OR1N2: variants seen among roughly 807,000 people sequenced by gnomAD.
The protein encoded by OR1N2 is olfactory receptor 1N2.
For missense variants in OR1N2, 358 were observed against 380.2 expected (o/e 0.94, Z 0.49); for synonymous variants, 152 against 149.3 (o/e 1.02, Z -0.13).
In OR1N2 at chr9:122,553,349, G is replaced by T. The variant is rs1829217296; in HGVS notation, c.138G>T (p.Leu46=). 1 of 1,613,916 alleles carries T rather than the reference G, an allele frequency of 6.2e-7. No homozygotes were observed. Among genetic ancestry groups the T allele is most frequent in the African/African-American group, 1.3e-5 (1 of 74,956 alleles). The part of the protein sequence containing the change: ...GMYLVTMVGN[L]LIILAISSDP... ...ACCTGGTCACCATGGTGGGGAACCT[G>T]CTCATTATCCTGGCCATCAGCTCTG... Residue 46 remains leucine, a synonymous_variant, in exon 1 of 1, where the codon CTG becomes CTT. Transcript: ENST00000373688.
At position 122,554,059 on chromosome 9, in the gene OR1N2, T is replaced by C. The variant is rs1829236925; in HGVS notation, c.848T>C (p.Val283Ala). 2 of 1,613,286 alleles carry C rather than the reference T, an allele frequency of 1.2e-6. No individual in the cohort carries two copies. The highest frequency in any genetic ancestry group is 2.7e-5 in the African/African-American group (2 of 74,880). Residue 283 changes from valine (V) to alanine (A), a missense_variant, in exon 1 of 1, where the codon GTG (valine) becomes GCG (alanine). Transcript: ENST00000373688. ...RESRAAVLYMVIIPTLNPFIY... is the reference protein window; with the variant it reads ...RESRAAVLYMAIIPTLNPFIY... The stretch of plus-strand genomic sequence containing the variant: ...AGTAGGGCTGCTGTTCTCTATATGG[T>C]GATTATTCCCACGCTAAACCCATTC...
rs771842628 is a variant in OR1N2, at chr9:122,553,907, A to G, written c.696A>G (p.Ser232=). Residue 232 remains serine (S), a synonymous_variant, in exon 1 of 1, where the codon TCA becomes TCG. Transcript: ENST00000373688. The part of the protein sequence containing the change: ...VRIFWAVFVI[S]SPGGRWKAFS... Reference sequence around the variant, plus strand: ...TTTTCTGGGCTGTGTTTGTCATCTCATCTCCTGGAGGGAGATGGAAGGCCT... The same window carrying G: ...TTTTCTGGGCTGTGTTTGTCATCTCGTCTCCTGGAGGGAGATGGAAGGCCT... The G allele has an allele frequency of 3.1e-6, 5 of 1,613,364 alleles. No individual in the cohort carries two copies. Among genetic ancestry groups the G allele is most frequent in the Non-Finnish European group, 3.4e-6 (4 of 1,179,780 alleles).
chr9:122,553,208 A>C lies in OR1N2; in HGVS notation c.-4A>C. The C allele has an allele frequency of 6.2e-7, 1 of 1,613,370 alleles. No homozygotes were observed. The stretch of plus-strand genomic sequence containing the variant: ...ATCTGCGCAGATCACACGAACTACA[A>C]GGGATGGGAAAACCAGGCAGAGTGA... On this transcript the variant is annotated 5_prime_UTR_variant, in exon 1 of 1. Coordinates refer to ENST00000373688, the MANE Select transcript of OR1N2 (RefSeq NM_001004457.2).
In OR1N2 at chr9:122,554,198, A is replaced by T; in HGVS notation, c.*36A>T. 1 of 1,501,656 alleles carries T rather than the reference A, an allele frequency of 6.7e-7. No homozygotes were observed. Among genetic ancestry groups the T allele is most frequent in the Non-Finnish European group, 9.1e-7 (1 of 1,102,780 alleles). The allele number at this position is 1,501,656 out of a possible 1,614,324, so 93.0% of individuals were successfully genotyped here. On this transcript the variant is annotated 3_prime_UTR_variant, in exon 1 of 1. Coordinates refer to ENST00000373688, the MANE Select transcript of OR1N2 (RefSeq NM_001004457.2). ...AGACGGTGATGTCTAATCTTGATCA[A>T]CCCCTCCCTGTCTTCCATCACTTCA...
At position 122,554,046 on chromosome 9, in the gene OR1N2, G is replaced by A. The variant is rs757279700; in HGVS notation, c.835G>A (p.Val279Ile). The A allele has an allele frequency of 6.2e-7, 1 of 1,613,726 alleles. No individual in the cohort carries two copies. Residue 279 changes from valine (V) to isoleucine (I), a missense_variant, in exon 1 of 1, where the codon GTT becomes ATT. Transcript: ENST00000373688. ...YSTERESRAA[V>I]LYMVIIPTLN... ...TACAGAGAGGGAAAGTAGGGCTGCT[G>A]TTCTCTATATGGTGATTATTCCCAC...
chr9:122,553,230 G>C lies in OR1N2; in HGVS notation c.19G>C (p.Val7Leu), dbSNP rs772982829. The change falls in exon 1 of 1, where the codon GTG (valine) becomes CTG (leucine). Residue 7 changes from valine to leucine, a missense_variant. Coordinates refer to ENST00000373688, the MANE Select transcript of OR1N2 (RefSeq NM_001004457.2). Reference sequence around the variant, plus strand: ...ACAAGGGATGGGAAAACCAGGCAGAGTGAACCAAACCACTGTTTCAGACTT... The same window carrying C: ...ACAAGGGATGGGAAAACCAGGCAGACTGAACCAAACCACTGTTTCAGACTT... MGKPGR[V>L]NQTTVSDFLL... The C allele has an allele frequency of 1.6e-5, 26 of 1,613,810 alleles. No homozygotes were observed. Among genetic ancestry groups the C allele is most frequent in the Non-Finnish European group, 2.2e-5 (26 of 1,179,828 alleles).
Sources: allele counts gnomAD v4.1 joint callset, GRCh38; gene constraint gnomAD v4.1.1; transcripts MANE v1.5; gene names NCBI Gene and HGNC (gene_info 2026-07-23, HGNC 2026-07-21).